The following CPED1 variants were observed in gnomAD, a reference collection of about 807,000 sequenced individuals.
CPED1 encodes the protein cadherin-like and PC-esterase domain-containing protein 1.
Under a neutral mutation model 128.2 loss-of-function variants are expected in CPED1, and 114 were observed. The observed-to-expected ratio is 0.89, with a 90% CI of 0.76 to 1.04. The LOEUF is 1.04. Ranked by LOEUF, CPED1 falls within the 50% of genes least tolerant of loss-of-function variation. The probability of loss-of-function intolerance (pLI) is 0.00; values close to 1 mark genes in which losing one functional copy is unlikely to be tolerated. For synonymous variants in CPED1, 462 were observed against 426.7 expected (o/e 1.08, Z -1.02); for missense variants, 1,211 against 1,207.1 (o/e 1.00, Z -0.05).
chr7:121,107,173 A>G (rs1398693378), intron 7 of CPED1, among the ~76,000 whole-genome samples: 1 of 152,134 alleles, frequency 6.6e-6, no homozygotes, highest in Non-Finnish European at 1.5e-5. Flanking sequence ...AACTCCCTGC[A>G]ATCTTCCTAA....
chr7:121,009,874 C>A (rs1366572997), intron 2 of CPED1, among the ~76,000 whole-genome samples: 4 of 152,014 alleles, frequency 2.6e-5, no homozygotes, highest in Non-Finnish European at 5.9e-5. Flanking sequence ...AAATATTGAA[C>A]CTTTGACTGA....
At chr7:121,101,067 A>G (rs186956117) in intron 7 of CPED1, among the ~76,000 whole-genome samples, 1 of 152,294 alleles carries the variant, frequency 6.6e-6, no homozygotes. Flanking sequence ...AATTTAAAAC[A>G]TGCACTCATT....
chr7:121,161,987 C>T (rs1291096574), intron 16 of CPED1, among the ~76,000 whole-genome samples: 1 of 152,226 alleles, frequency 6.6e-6, no homozygotes, highest in Non-Finnish European at 1.5e-5. Flanking sequence ...AGAGCAGTCT[C>T]TTGTAGTAAA....
rs1307977335 is a variant in CPED1 at position 121,251,994 on chromosome 7, C to A, written c.2310+7656C>A. 4.0e-5 allele frequency among the ~76,000 whole-genome samples: 6 copies of A among 151,732 alleles called. No homozygotes were observed. The East Asian group carries it at 1.2e-3, about 29-fold the overall frequency. ...AGTTCATATGGAACCAAAAAAGAGC[C>A]CGCATTGCCAAGTCAATCCTAAGCC... On this transcript the variant is annotated intron_variant, in intron 18 of 22. Coordinates refer to ENST00000310396, the MANE Select transcript of CPED1 (RefSeq NM_024913.5).
chr7:121,143,962 A>G (rs918946138), intron 16 of CPED1, among the ~76,000 whole-genome samples: 12 of 152,014 alleles, frequency 7.9e-5, no homozygotes, highest in Non-Finnish European at 1.3e-4. Flanking sequence ...TTAAAAATAA[A>G]TGAAGTATGG....
At chr7:121,125,751 A>G (rs1795487610) in intron 8 of CPED1, 69 bp from the exon 9 acceptor site, 4 of 1,168,710 alleles carry the variant, frequency 3.4e-6, no homozygotes, top group Non-Finnish European at 3.8e-6. Context: ...TGCTGTTATA[A>G]ATAGTGCATT....
At chr7:121,152,189 A>G (rs954716081) in intron 16 of CPED1, among the ~76,000 whole-genome samples, 1 of 152,062 alleles carries the variant, frequency 6.6e-6, no homozygotes, top group African/African-American at 2.4e-5. Flanking sequence ...TTCTTTAGCA[A>G]TGTGGTACAG....
intron 18 of CPED1, among the ~76,000 whole-genome samples, chr7:121,252,997 A>G (rs1349885693): frequency 2.6e-5 from 4 of 152,266 alleles, no homozygotes; most frequent in Non-Finnish European, 5.9e-5. Context: ...ATGCTGCTAT[A>G]AAGACACATG....
At chr7:121,214,633 A>G (rs1797718753) in intron 16 of CPED1, among the ~76,000 whole-genome samples, 1 of 152,042 alleles carries the variant, frequency 6.6e-6, no homozygotes, top group South Asian at 2.1e-4. Context: ...AACATGTATA[A>G]AAATGTGAGA....
chr7:121,154,790 C>T (rs1391456905), intron 16 of CPED1, among the ~76,000 whole-genome samples: 3 of 152,140 alleles, frequency 2.0e-5, no homozygotes, highest in Non-Finnish European at 4.4e-5. Flanking sequence ...GTGATCCGCC[C>T]ACCTCGGCCT....
intron 8 of CPED1, 49 bp downstream of exon 8, chr7:121,124,522 C>T: frequency 7.8e-7 from 1 of 1,278,892 alleles, no homozygotes; most frequent in Non-Finnish European, 1.0e-6. Context: ...AAGAAAGCAA[C>T]CTATCTTTTA....
chr7:121,146,976 C>T lies in CPED1; in HGVS notation c.2055+4835C>T, dbSNP rs1796036560. On this transcript the variant is annotated intron_variant, in intron 16 of 22. Transcript: ENST00000310396. The stretch of plus-strand genomic sequence containing the variant: ...ATTCTCTTTATTGTTGGATGTTTAG[C>T]AGCACTCTTGGCCTCTATCCACTAG... Among the ~76,000 whole-genome samples the T allele has an allele frequency of 2.0e-5, 3 of 152,090 alleles. No individual in the cohort carries two copies. The South Asian group carries it at 6.2e-4, about 32-fold the overall frequency.
chr7:121,150,171 T>C (rs970077626), intron 16 of CPED1, among the ~76,000 whole-genome samples: 5 of 151,566 alleles, frequency 3.3e-5, no homozygotes, highest in African/African-American at 1.2e-4. Flanking sequence ...ATGAGCATAG[T>C]ACCAAAGAGG....
intron 5 of CPED1, among the ~76,000 whole-genome samples, chr7:121,069,430 C>T (rs1793934749): frequency 6.6e-6 from 1 of 152,074 alleles, no homozygotes; most frequent in Non-Finnish European, 1.5e-5. Context: ...GACAGGAATG[C>T]TAAGAAAGGA....
chr7:121,248,215 CAT>C (rs894284145), intron 18 of CPED1, among the ~76,000 whole-genome samples: 22 of 136,582 alleles, frequency 1.6e-4, no homozygotes, highest in African/African-American at 4.6e-4. Flanking sequence ...AGAGGGATGA[CAT>C]GTGTGGTTTC....
intron 16 of CPED1, among the ~76,000 whole-genome samples, chr7:121,191,005 T>C (rs1797124037): frequency 6.6e-6 from 1 of 152,182 alleles, no homozygotes; most frequent in African/African-American, 2.4e-5. Context: ...CTGGCCAGTC[T>C]TGGCTGTTAT....
chr7:121,170,088 C>T (rs4593468), intron 16 of CPED1, among the ~76,000 whole-genome samples: 13,720 of 152,188 alleles, frequency 0.09, 680 homozygotes, highest in South Asian at 0.17. Flanking sequence ...ATGCCTGCCA[C>T]CTCACAAAGC....
intron 16 of CPED1, among the ~76,000 whole-genome samples, chr7:121,176,110 T>C (rs1279321302): frequency 6.9e-6 from 1 of 144,768 alleles, no homozygotes; most frequent in Non-Finnish European, 1.5e-5. Context: ...ACTCTGGCCA[T>C]AGGGATAGGG....
chr7:121,138,568 T>G lies in CPED1; in HGVS notation c.1700-2259T>G, dbSNP rs1388812507. On this transcript the variant is annotated intron_variant, in intron 14 of 22. Transcript: ENST00000310396. ...AGAGAACGATTGCACATTTATTTCC[T>G]GTCATCTAGGGCTGTTTCAGTTTCT... Among the ~76,000 whole-genome samples the G allele has an allele frequency of 2.6e-5, 4 of 152,190 alleles. No homozygotes were observed. In the East Asian group the frequency reaches 7.7e-4, roughly 29 times the overall value.
Sources: gnomAD v4.1 joint callset for allele counts (sites outside exome capture counted in the v4.1 genomes callset) on GRCh38, gnomAD v4.1.1 for gene constraint, MANE v1.5 for transcripts, NCBI Gene and HGNC (gene_info 2026-07-23, HGNC 2026-07-21) for gene names.